JAG1: variants seen among roughly 807,000 people sequenced by gnomAD.
JAG1 encodes the protein protein jagged-1.
A neutral mutation model predicts 148.7 loss-of-function variants in JAG1; 23 were observed. That is an observed-to-expected ratio of 0.15 (90% CI 0.11 to 0.22). The LOEUF is 0.22. Among genes scored for constraint, JAG1 ranks in the 10% least tolerant of loss-of-function variants. JAG1 has a pLI of 1.00. For missense variants in JAG1, 1,054 were observed against 1,611.2 expected (o/e 0.65, Z 5.92); for synonymous variants, 572 against 598.3 (o/e 0.96, Z 0.64).
intron 3 of JAG1, among the ~76,000 whole-genome samples, chr20:10,659,731 G>T (rs542945495): frequency 3.5e-5 from 5 of 141,556 alleles, no homozygotes; most frequent in Non-Finnish European, 7.5e-5. Flanking sequence ...TGAGGGGAGG[G>T]TTTCTTTTTT....
intron 25 of JAG1, 86 bp downstream of exon 25, chr20:10,640,697 A>G (rs920479516): frequency 1.4e-6 from 2 of 1,442,106 alleles, no homozygotes; most frequent in East Asian, 4.5e-5. Context: ...GCACTGCCAG[A>G]TAATCCCTCG....
intron 19 of JAG1, 71 bp downstream of exon 19, chr20:10,644,276 TCACACACACA>T (rs33967297): frequency 3.6e-4 from 318 of 884,356 alleles, no homozygotes; most frequent in African/African-American, 8.1e-4. Flanking sequence ...TGGGTGATTC[TCACACACACA>T]CACACACACA....
chr20:10,658,422 A>G (rs1037918757), intron 4 of JAG1, 46 bp downstream of exon 4: 1 of 1,609,528 alleles, frequency 6.2e-7, no homozygotes, highest in African/African-American at 1.3e-5. Flanking sequence ...ATAAATGGAC[A>G]CTAAAAGCAA....
Position 10,673,375 on chromosome 20 carries a change from G to T in JAG1, c.81+75C>A, listed in dbSNP as rs1368659176. The T allele has an allele frequency of 1.8e-6, 2 of 1,123,952 alleles. No homozygotes were observed. Among genetic ancestry groups the T allele is most frequent in the Non-Finnish European group, 2.5e-6 (2 of 813,226 alleles). 69.6% of individuals were successfully genotyped at this position (1,123,952 alleles called of 1,614,324 possible). A position where few individuals can be genotyped will look rare whatever the true frequency, so the allele number is the denominator to read the frequency against. ...CTCGAGGGCTGCCGAGCCTGCTCGC[G>T]GGGCTCAACCGCCCAGGGCGCCGCG... On this transcript the variant is annotated intron_variant, in intron 1 of 25. Transcript: ENST00000254958. The surrounding 1 kb of genome is among the most constrained non-coding windows in gnomAD (Gnocchi z 4.7).
intron 14 of JAG1, chr20:10,646,463 G>C: frequency 2.7e-6 from 1 of 364,644 alleles, no homozygotes; most frequent in South Asian, 2.2e-5. Context: ...CAGATGTAAG[G>C]ATAAGTCTCA....
chr20:10,662,878 A>G (rs924673365), intron 3 of JAG1, among the ~76,000 whole-genome samples: 2 of 152,098 alleles, frequency 1.3e-5, no homozygotes, highest in African/African-American at 4.8e-5. Context: ...TAGAAGAGTG[A>G]CCCAAATGGC....
In JAG1 at chr20:10,649,068, G is replaced by A. The variant is rs776332337; in HGVS notation, c.1388C>T (p.Ser463Phe). Residue 463 changes from serine to phenylalanine, a missense_variant, in exon 11 of 26, where the codon TCC becomes TTC. This residue lies in a region of JAG1 where 245 missense variants were observed against 373.1 expected (regional missense o/e 0.66). Transcript: ENST00000254958. ...DCLGQCQNDASCRDLVNGYRC... is the reference protein window; with the variant it reads ...DCLGQCQNDAFCRDLVNGYRC... ...AAGCAAAGATTTACATACCCGACAGGAGGCGTCATTCTGACACTGGCCAAG... is the reference window on the plus strand; with the variant it reads ...AAGCAAAGATTTACATACCCGACAGAAGGCGTCATTCTGACACTGGCCAAG... The A allele has an allele frequency of 1.2e-6, 2 of 1,609,786 alleles. No individual in the cohort carries two copies. Among genetic ancestry groups the A allele is most frequent in the East Asian group, 2.2e-5 (1 of 44,866 alleles).
intron 20 of JAG1, among the ~76,000 whole-genome samples, chr20:10,643,436 G>A (rs977240186): frequency 3.9e-5 from 6 of 152,146 alleles, no homozygotes; most frequent in Admixed American, 1.3e-4. Context: ...TCCTATACCA[G>A]TGTAGCTGTG....
chr20:10,640,022 A>C, intron 25 of JAG1, 67 bp from the exon 26 acceptor site: 1 of 1,260,842 alleles, frequency 7.9e-7, no homozygotes, highest in Non-Finnish European at 1.1e-6. Context: ...TCGCAGGAAC[A>C]AAAGAATACC....
chr20:10,648,206 A>C, intron 12 of JAG1, 96 bp from the exon 13 acceptor site: 1 of 1,436,648 alleles, frequency 7.0e-7, no homozygotes, highest in South Asian at 1.2e-5. Flanking sequence ...GGAATCTGAC[A>C]GTTCCTTCGG....
In JAG1 at chr20:10,647,032, C is replaced by T. The variant is rs770729371; in HGVS notation, c.1792G>A (p.Val598Ile). 8.1e-6 allele frequency: 13 copies of T among 1,614,058 alleles called. No individual in the cohort carries two copies. Among genetic ancestry groups the T allele is most frequent in the Non-Finnish European group, 3.4e-6 (4 of 1,180,030 alleles). ...PEGVRYISSN[V>I]CGPHGKCKSQ... ...TTGCACTTCCCGTGAGGACCACAGA[C>T]GTTGGAGGAAATATACCGCACCCCT... Residue 598 changes from valine to isoleucine, a missense_variant, in exon 14 of 26, where the codon GTC (valine) becomes ATC (isoleucine). By Grantham distance (29) the Val-to-Ile change is conservative (BLOSUM62 3). Around this residue, in one of 6 missense-constraint regions of JAG1, gnomAD observed 245 missense variants for 373.1 expected, o/e 0.66. Transcript: ENST00000254958.
chr20:10,661,179 T>C (rs2067414608), intron 3 of JAG1, among the ~76,000 whole-genome samples: 1 of 152,152 alleles, frequency 6.6e-6, no homozygotes, highest in Non-Finnish European at 1.5e-5. Context: ...TTAAATACTT[T>C]CAAATACATA....
At chr20:10,644,274 TCTCACA>T in intron 19 of JAG1, 77 bp downstream of exon 19, 5 of 688,544 alleles carry the variant, frequency 7.3e-6, no homozygotes, top group Admixed American at 2.8e-5. Flanking sequence ...CCTGGGTGAT[TCTCACA>T]CACACACACA....
intron 2 of JAG1, among the ~76,000 whole-genome samples, chr20:10,671,547 G>A (rs1021362867): frequency 3.3e-5 from 5 of 152,030 alleles, no homozygotes; most frequent in Admixed American, 6.6e-5. Context: ...CTAAGCCGGC[G>A]GACAGGAGGC....
Position 10,646,997 on chromosome 20 carries a change from C to A in JAG1, c.1827G>T (p.Ser609=). ...CGPHGKCKSQ[S]GGKFTCDCNK... ...TACAGTCACAGGTGAATTTGCCTCC[C>A]GACTGACTCTTGCACTTCCCGTGAG... The change falls in exon 14 of 26, where the codon TCG becomes TCT. Residue 609 remains serine, a synonymous_variant. Coordinates refer to ENST00000254958, the MANE Select transcript of JAG1 (RefSeq NM_000214.3). 3.1e-6 allele frequency: 5 copies of A among 1,614,162 alleles called. No individual in the cohort carries two copies. Among genetic ancestry groups the A allele is most frequent in the East Asian group, 2.2e-5 (1 of 44,876 alleles).
Position 10,650,244 on chromosome 20 carries a change from T to C in JAG1, c.1234+3A>G, listed in dbSNP as rs1209302268. 15 of 1,597,100 alleles carry C rather than the reference T, an allele frequency of 9.4e-6. No homozygotes were observed. The highest frequency in any genetic ancestry group is 1.3e-5 in the Non-Finnish European group (15 of 1,164,882). ...AAAATTACAGTCACAGGGATGTTCT[T>C]ACCTAACTGGCACGTTTTCCCAGTC... On this transcript the variant is annotated splice_donor_region_variant and intron_variant, in intron 9 of 25. Transcript: ENST00000254958.
intron 2 of JAG1, among the ~76,000 whole-genome samples, chr20:10,671,951 G>A (rs1476623850): frequency 1.3e-5 from 2 of 151,962 alleles, no homozygotes; most frequent in Admixed American, 6.5e-5. Context: ...TGCGGGGGCC[G>A]TGCACCCGCC....
chr20:10,637,786 C>G lies in JAG1; in HGVS notation c.*1712G>C, dbSNP rs1568789560. 1 of 152,666 alleles carries G rather than the reference C, an allele frequency of 6.6e-6. No individual in the cohort carries two copies. Among genetic ancestry groups the G allele is most frequent in the Non-Finnish European group, 1.5e-5 (1 of 68,056 alleles). The allele number at this position is 152,666 out of a possible 1,614,324, so 9.5% of individuals were successfully genotyped here. A position where few individuals can be genotyped will look rare whatever the true frequency, so the allele number is the denominator to read the frequency against. On this transcript the variant is annotated 3_prime_UTR_variant, in exon 26 of 26. Transcript: ENST00000254958. The stretch of plus-strand genomic sequence containing the variant: ...GATGGGGCTCCCGCAGTTCCAGCTT[C>G]ACAGCAGCCCCAGGTCTTTGAGAAC...
At chr20:10,641,379 ATC>A (rs2122596193) in intron 23 of JAG1, 79 bp downstream of exon 23, 2 of 1,501,362 alleles carry the variant, frequency 1.3e-6, no homozygotes, top group Non-Finnish European at 1.8e-6. Flanking sequence ...GGAGAAGTAG[ATC>A]CTAGCTCATG....
Sources: gnomAD v4.1 joint callset for allele counts (sites outside exome capture counted in the v4.1 genomes callset) on GRCh38, gnomAD v4.1.1 for gene constraint, gnomAD v4.1.1 regional missense constraint, Gnocchi (gnomAD v3.1) non-coding constraint, MANE v1.5 for transcripts, NCBI Gene and HGNC (gene_info 2026-07-23, HGNC 2026-07-21) for gene names.